The following CENATAC variants were observed in gnomAD, a reference collection of about 807,000 sequenced individuals.
CENATAC encodes centrosomal AT-AC splicing factor.
A neutral mutation model predicts 53.7 loss-of-function variants in CENATAC; 53 were observed. The ratio of observed to expected loss-of-function variants is 0.99; its 90% CI spans 0.79 to 1.24. The LOEUF is 1.24. Ranked by LOEUF, CENATAC falls within the 50% of genes most tolerant of loss-of-function variation. The probability of loss-of-function intolerance (pLI) is 0.00; values close to 1 mark genes in which losing one functional copy is unlikely to be tolerated. For missense variants in CENATAC, 474 were observed against 417.8 expected (o/e 1.13, Z -1.17); for synonymous variants, 156 against 144.6 (o/e 1.08, Z -0.57).
At chr11:119,003,277 T>G (rs9645664) in intron 3 of CENATAC, 1 of 526,854 alleles carries the variant, frequency 1.9e-6, no homozygotes, top group East Asian at 5.0e-5. Context: ...TCTTAAGATA[T>G]TTGCACTGCC....
intron 5 of CENATAC, 105 bp from the exon 6 acceptor site, chr11:119,011,834 T>A: frequency 1.1e-6 from 1 of 944,432 alleles, no homozygotes; most frequent in East Asian, 2.5e-5. Context: ...TTCCATATGC[T>A]AATTTGTTTC....
chr11:119,000,894 C>G (rs1942260659), intron 3 of CENATAC, among the ~76,000 whole-genome samples: 1 of 151,626 alleles, frequency 6.6e-6, no homozygotes, highest in South Asian at 2.1e-4. Flanking sequence ...ACCCCTCACC[C>G]TTTTTTTTCC....
intron 3 of CENATAC, among the ~76,000 whole-genome samples, chr11:119,008,872 C>G (rs938440194): frequency 6.6e-6 from 1 of 152,180 alleles, no homozygotes; most frequent in African/African-American, 2.4e-5. Context: ...AGATGTACTG[C>G]TTGTAAGTAT....
intron 7 of CENATAC, 181 bp from the exon 8 acceptor site, chr11:119,013,051 T>C (rs2134570435): frequency 1.9e-6 from 1 of 527,884 alleles, no homozygotes; most frequent in Non-Finnish European, 3.4e-6. Context: ...GAGGACAGGG[T>C]TGTCTTAGAG....
At chr11:119,008,390 G>A (rs1029459862) in intron 3 of CENATAC, among the ~76,000 whole-genome samples, 7 of 152,164 alleles carry the variant, frequency 4.6e-5, no homozygotes, top group South Asian at 2.1e-4. Flanking sequence ...TGTATATCAC[G>A]ATTAAGTTCA....
At position 119,015,683 on chromosome 11, in the gene CENATAC, C is replaced by G; in HGVS notation, c.*85C>G. On this transcript the variant is annotated 3_prime_UTR_variant, in exon 11 of 11. Transcript: ENST00000334418. The stretch of plus-strand genomic sequence containing the variant: ...CTTCCACCAAATTCTTTATCATTGT[C>G]TTTCTTAGGAAACAGACATACTCAT... 1.4e-6 allele frequency: 2 copies of G among 1,431,808 alleles called. No individual in the cohort carries two copies. Among genetic ancestry groups the G allele is most frequent in the South Asian group, 1.2e-5 (1 of 84,866 alleles). The allele number at this position is 1,431,808 out of a possible 1,614,324, so 88.7% of individuals were successfully genotyped here. A position where few individuals can be genotyped will look rare whatever the true frequency, so the allele number is the denominator to read the frequency against.
chr11:119,010,796 C>T lies in CENATAC; in HGVS notation c.416C>T (p.Ser139Phe), dbSNP rs920308063. 2 of 1,613,740 alleles carry T rather than the reference C, an allele frequency of 1.2e-6. No homozygotes were observed. Among genetic ancestry groups the T allele is most frequent in the Non-Finnish European group, 1.7e-6 (2 of 1,179,908 alleles). ...FKKSMVKGLD[S>F]YEEKEDKVIK... The stretch of plus-strand genomic sequence containing the variant: ...AAATCCATGGTGAAAGGTTTGGATT[C>T]CTATGAAGAAAAGGAGGATAAAGTG... The change falls in exon 4 of 11, where the codon TCC (serine) becomes TTC (phenylalanine). Residue 139 changes from serine to phenylalanine, a missense_variant. By Grantham distance (155) the Ser-to-Phe change is radical (BLOSUM62 -2). Coordinates refer to ENST00000334418, the MANE Select transcript of CENATAC (RefSeq NM_198489.3).
At chr11:118,998,826 T>G (rs547825481) in intron 2 of CENATAC, among the ~76,000 whole-genome samples, 185 bp from the exon 3 acceptor site, 1 of 152,144 alleles carries the variant, frequency 6.6e-6, no homozygotes, top group East Asian at 1.9e-4. Flanking sequence ...TAACCTCCCC[T>G]CAGATTCTCA....
intron 7 of CENATAC, chr11:119,012,928 C>T: frequency 3.1e-6 from 1 of 325,220 alleles, no homozygotes; most frequent in East Asian, 5.2e-5. Flanking sequence ...GTAACTTGTG[C>T]TTAATGCTCT....
chr11:119,015,077 A>G lies in CENATAC; in HGVS notation c.799A>G (p.Lys267Glu), dbSNP rs899354415. 3.1e-6 allele frequency: 5 copies of G among 1,605,098 alleles called. No homozygotes were observed. The highest frequency in any genetic ancestry group is 4.3e-6 in the Non-Finnish European group (5 of 1,174,106). Reference protein sequence around the residue: ...EIGPSYEEFLKEKEKQKLKKL... With the variant: ...EIGPSYEEFLEEKEKQKLKKL... ...AGGACCATCCTATGAAGAATTTCTT[A>G]AAGAAAGTAAGTAAACTAATTCAAG... The change falls in exon 9 of 11, where the codon AAA becomes GAA. Residue 267 changes from lysine to glutamate, a missense_variant. Lys to Glu is a moderately conservative substitution (Grantham distance 56, BLOSUM62 1). Transcript: ENST00000334418.
chr11:119,011,127 C>T (rs1043535549), intron 4 of CENATAC, 94 bp from the exon 5 acceptor site: 9 of 1,071,866 alleles, frequency 8.4e-6, no homozygotes, highest in East Asian at 4.9e-5. Context: ...TACTGGTCCA[C>T]GCCTGGGGGT....
intron 5 of CENATAC, 97 bp downstream of exon 5, chr11:119,011,380 C>CTTTT: frequency 2.1e-6 from 2 of 954,592 alleles, no homozygotes; most frequent in Non-Finnish European, 3.0e-6. Context: ...TCTTCTTCTT[C>CTTTT]TTTTTTTTTT....
chr11:119,001,577 C>T (rs1488293229), intron 3 of CENATAC: 4 of 453,278 alleles, frequency 8.8e-6, no homozygotes, highest in Non-Finnish European at 1.8e-5. Context: ...TTTATGCATT[C>T]ATGACATACC....
At chr11:119,001,626 T>C in intron 3 of CENATAC, 1 of 455,956 alleles carries the variant, frequency 2.2e-6, no homozygotes, top group South Asian at 1.5e-5. Flanking sequence ...ATGTGGTTCA[T>C]CTGCAAGTTT....
rs1231053757 is a variant in CENATAC at position 119,011,948 on chromosome 11, G to C, written c.523G>C (p.Val175Leu). The part of the protein sequence containing the change: ...VVRSVLEPQA[V>L]PDPEEGSSAP... ...CCTGAATCAAACTCAGCCTCAGGCAGTGCCAGACCCAGAAGAGGGCTCTTC... is the reference window on the plus strand; with the variant it reads ...CCTGAATCAAACTCAGCCTCAGGCACTGCCAGACCCAGAAGAGGGCTCTTC... The change falls in exon 6 of 11, where the codon GTG becomes CTG. Residue 175 changes from valine to leucine, a missense_variant. Transcript: ENST00000334418. 1.1e-5 allele frequency: 17 copies of C among 1,613,974 alleles called. No individual in the cohort carries two copies. The highest frequency in any genetic ancestry group is 1.4e-5 in the Non-Finnish European group (16 of 1,179,986).
intron 3 of CENATAC, chr11:119,001,961 C>T: frequency 4.7e-6 from 1 of 213,672 alleles, no homozygotes; most frequent in Non-Finnish European, 9.9e-6. Context: ...CAGTGGCTGA[C>T]ACCTGTAATC....
chr11:119,009,754 T>G (rs1942779015), intron 3 of CENATAC: 1 of 152,078 alleles, frequency 6.6e-6, no homozygotes, highest in Non-Finnish European at 1.5e-5. Flanking sequence ...AAACTTTGTG[T>G]TGAGAACCAG....
At position 118,999,099 on chromosome 11, in the gene CENATAC, G is replaced by A. The variant is rs1274895986; in HGVS notation, c.373G>A (p.Asp125Asn). 1 of 1,612,460 alleles carries A rather than the reference G, an allele frequency of 6.2e-7. No individual in the cohort carries two copies. The highest frequency in any genetic ancestry group is 2.2e-5 in the East Asian group (1 of 44,874). ...MKEKFLVTPQ[D>N]YARFKKSMVK... ...AGAGAAGTTTCTGGTCACTCCCCAG[G>A]ATTATGCGCGGTGAGTCACTGGTAT... Residue 125 changes from aspartate (D) to asparagine (N), a missense_variant, in exon 3 of 11, where the codon GAT (aspartate) becomes AAT (asparagine). Coordinates refer to ENST00000334418, the MANE Select transcript of CENATAC (RefSeq NM_198489.3).
intron 2 of CENATAC, 73 bp from the exon 3 acceptor site, chr11:118,998,938 C>G (rs1942150875): frequency 3.3e-6 from 4 of 1,206,636 alleles, no homozygotes; most frequent in Non-Finnish European, 4.9e-6. Context: ...GTTTGCATTA[C>G]AAACCTAATG....
Sources: gnomAD v4.1 joint callset for allele counts (sites outside exome capture counted in the v4.1 genomes callset) on GRCh38, gnomAD v4.1.1 for gene constraint, MANE v1.5 for transcripts, NCBI Gene and HGNC (gene_info 2026-07-23, HGNC 2026-07-21) for gene names.